Variants in ROCK1 observed in about 807,000 individuals in gnomAD.
ROCK1 encodes Rho associated coiled-coil containing protein kinase 1.
Under a neutral mutation model 196.8 loss-of-function variants are expected in ROCK1, and 36 were observed. That is an observed-to-expected ratio of 0.18 (90% CI 0.14 to 0.24). ROCK1 has a LOEUF of 0.24. ROCK1 is among the 10% of genes least tolerant of loss of function. ROCK1 has a pLI of 1.00. For missense variants in ROCK1, 920 were observed against 1,562.0 expected (o/e 0.59, Z 6.93); for synonymous variants, 443 against 515.9 (o/e 0.86, Z 1.91).
At chr18:21,004,737 T>C (rs2035754206) in intron 16 of ROCK1, among the ~76,000 whole-genome samples, 1 of 152,286 alleles carries the variant, frequency 6.6e-6, no homozygotes, top group South Asian at 2.1e-4. Context: ...AGAAGGGAGA[T>C]GAAGAGACTT....
intron 22 of ROCK1, among the ~76,000 whole-genome samples, chr18:20,978,266 A>G (rs1467722195): frequency 6.6e-6 from 1 of 152,186 alleles, no homozygotes; most frequent in Middle Eastern, 3.4e-3. Context: ...CACCTAATGT[A>G]TTAAGGATCT....
At chr18:21,017,609 C>CT (rs772352628) in intron 12 of ROCK1, among the ~76,000 whole-genome samples, 1 of 152,102 alleles carries the variant, frequency 6.6e-6, no homozygotes, top group Non-Finnish European at 1.5e-5. Context: ...TTATATGACA[C>CT]TTTAACTGAA....
At chr18:21,015,384 G>A in intron 13 of ROCK1, 47 bp downstream of exon 13, 1 of 1,234,834 alleles carries the variant, frequency 8.1e-7, no homozygotes, top group African/African-American at 1.5e-5. Flanking sequence ...CAATTTGAAA[G>A]AGGGAAAAAT....
In ROCK1 at chr18:20,947,100, TATC is replaced by T. The variant is rs2035135622; in HGVS notation, c.*4281_*4283del. 6.6e-6 allele frequency: 1 copy of T among 152,212 alleles called. No homozygotes were observed. The highest frequency in any genetic ancestry group is 1.9e-4 in the East Asian group (1 of 5,200). The allele number at this position is 152,212 out of a possible 1,614,324, so 9.4% of individuals were successfully genotyped here. On this transcript the variant is annotated 3_prime_UTR_variant, in exon 33 of 33. Coordinates refer to ENST00000399799, the MANE Select transcript of ROCK1 (RefSeq NM_005406.3). ...GGAAACAGTATAGCTTGGGAGAAAG[TATC>T]ATATCTTAATTCTCATAAGACAATT...
intron 12 of ROCK1, among the ~76,000 whole-genome samples, chr18:21,018,033 C>T (rs2035879669): frequency 1.3e-5 from 2 of 151,784 alleles, no homozygotes; most frequent in South Asian, 2.1e-4. Flanking sequence ...AATATCACTC[C>T]ACAATCCCTA....
chr18:21,079,331 C>T (rs1432785233), intron 1 of ROCK1, among the ~76,000 whole-genome samples: 1 of 152,226 alleles, frequency 6.6e-6, no homozygotes, highest in African/African-American at 2.4e-5. Context: ...CTGCTGCCTG[C>T]GGAACTGTCT....
intron 2 of ROCK1, among the ~76,000 whole-genome samples, chr18:21,070,319 T>C (rs1261301696): frequency 6.6e-6 from 1 of 152,144 alleles, no homozygotes; most frequent in African/African-American, 2.4e-5. Flanking sequence ...GAATACTTAT[T>C]TTAACTATTT....
chr18:20,993,002 C>T (rs1188964196), intron 16 of ROCK1, 65 bp from the exon 17 acceptor site: 1 of 941,686 alleles, frequency 1.1e-6, no homozygotes, highest in South Asian at 1.6e-5. Context: ...TCAGTATTGA[C>T]AATTTAGTTT....
chr18:20,999,189 T>C (rs2035699419), intron 16 of ROCK1, among the ~76,000 whole-genome samples: 1 of 152,100 alleles, frequency 6.6e-6, no homozygotes, highest in Admixed American at 6.5e-5. Flanking sequence ...TGCTGAAATA[T>C]CATTGTTTTA....
At chr18:21,027,125 G>A (rs572669110) in intron 10 of ROCK1, among the ~76,000 whole-genome samples, 1 of 152,124 alleles carries the variant, frequency 6.6e-6, no homozygotes, top group East Asian at 1.9e-4. Context: ...TTTTAGTAGA[G>A]ACGGGGTTTC....
At chr18:20,971,331 C>T (rs1431621675) in intron 22 of ROCK1, among the ~76,000 whole-genome samples, 9 of 83,014 alleles carry the variant, frequency 1.1e-4, no homozygotes, top group South Asian at 6.3e-4. Flanking sequence ...CACACACACA[C>T]ACACACACAC....
chr18:21,083,739 T>C (rs997908870), intron 1 of ROCK1, among the ~76,000 whole-genome samples: 4 of 152,244 alleles, frequency 2.6e-5, no homozygotes, highest in African/African-American at 9.6e-5. Context: ...AGTACATATA[T>C]TTACATATAA....
In ROCK1 at chr18:21,111,372, C is replaced by G. The variant is rs1411952057; in HGVS notation, c.-462G>C. On this transcript the variant is annotated 5_prime_UTR_variant, in exon 1 of 33. Coordinates refer to ENST00000399799, the MANE Select transcript of ROCK1 (RefSeq NM_005406.3). The surrounding 1 kb of genome is among the most constrained non-coding windows in gnomAD (Gnocchi z 4.2). Reference sequence around the variant, plus strand: ...AAGGGCGGGTGAGGAGCTGTGCCAGCTGCGGCCGCCGCTCGGGCCACGGGC... The same window carrying G: ...AAGGGCGGGTGAGGAGCTGTGCCAGGTGCGGCCGCCGCTCGGGCCACGGGC... 2.4e-6 allele frequency: 1 copy of G among 417,490 alleles called. No individual in the cohort carries two copies. The highest frequency in any genetic ancestry group is 2.1e-5 in the African/African-American group (1 of 48,288). 25.9% of individuals were successfully genotyped at this position (417,490 alleles called of 1,614,324 possible).
At chr18:21,011,020 T>C (rs1363280860) in intron 13 of ROCK1, among the ~76,000 whole-genome samples, 1 of 152,128 alleles carries the variant, frequency 6.6e-6, no homozygotes, top group African/African-American at 2.4e-5. Context: ...ATATTTGTTA[T>C]GTTATCTCTT....
intron 1 of ROCK1, 25 bp downstream of exon 1, chr18:21,110,793 A>G: frequency 6.3e-7 from 1 of 1,592,916 alleles, no homozygotes; most frequent in Non-Finnish European, 8.6e-7. Context: ...ACCCCAGACA[A>G]GCAAAAGAGA....
intron 9 of ROCK1, among the ~76,000 whole-genome samples, chr18:21,030,680 T>A (rs148320561): frequency 6.6e-6 from 1 of 152,236 alleles, no homozygotes; most frequent in Non-Finnish European, 1.5e-5. Flanking sequence ...AGGCTTTATA[T>A]AATGCCATTT....
In ROCK1 at chr18:21,049,869, T is replaced by C. The variant is rs559605041; in HGVS notation, c.187A>G (p.Ile63Val). ...ATTCGTAAATCTCTGATTTTATTTA[T>C]TGTGTCTTTATCTGTATGAAAAGAA... ...DNFLSRYKDT[I>V]NKIRDLRMKA... The change falls in exon 3 of 33, where the codon ATA becomes GTA. Residue 63 changes from isoleucine (I) to valine (V), a missense_variant. By Grantham distance (29) the Ile-to-Val change is conservative (BLOSUM62 3). Transcript: ENST00000399799. 6.3e-7 allele frequency: 1 copy of C among 1,587,404 alleles called. No individual in the cohort carries two copies. The highest frequency in any genetic ancestry group is 1.1e-5 in the South Asian group (1 of 89,302).
chr18:20,961,134 G>A (rs1222053920), intron 27 of ROCK1, among the ~76,000 whole-genome samples: 2 of 152,016 alleles, frequency 1.3e-5, no homozygotes, highest in Admixed American at 1.3e-4. Flanking sequence ...AGATCAGGTT[G>A]GAAATAAGAA....
intron 29 of ROCK1, among the ~76,000 whole-genome samples, chr18:20,957,995 G>A (rs980964032): frequency 2.4e-4 from 37 of 151,950 alleles, no homozygotes; most frequent in African/African-American, 8.7e-4. Context: ...CTTGTATTGA[G>A]TGATTATATG....
Sources: gnomAD v4.1 joint callset for allele counts (sites outside exome capture counted in the v4.1 genomes callset) on GRCh38, gnomAD v4.1.1 for gene constraint, Gnocchi (gnomAD v3.1) non-coding constraint, MANE v1.5 for transcripts, NCBI Gene and HGNC (gene_info 2026-07-23, HGNC 2026-07-21) for gene names.